The following DPP10 variants were observed in gnomAD, a reference collection of about 807,000 sequenced individuals.
DPP10 encodes inactive dipeptidyl peptidase 10.
A neutral mutation model predicts 120.9 loss-of-function variants in DPP10; 33 were observed. The ratio of observed to expected loss-of-function variants is 0.27; its 90% CI spans 0.21 to 0.37. The LOEUF (loss-of-function observed/expected upper bound fraction) is 0.37, where lower values mean the gene tolerates loss of function less well. Among genes scored for constraint, DPP10 ranks in the 10% least tolerant of loss-of-function variants. The probability of loss-of-function intolerance (pLI) is 1.00; values close to 1 mark genes in which losing one functional copy is unlikely to be tolerated. For missense variants in DPP10, 816 were observed against 942.8 expected (o/e 0.87, Z 1.76); for synonymous variants, 337 against 326.1 (o/e 1.03, Z -0.36).
intron 1 of DPP10, among the ~76,000 whole-genome samples, chr2:114,811,959 T>C (rs1336958529): frequency 6.6e-6 from 1 of 152,180 alleles, no homozygotes; most frequent in African/African-American, 2.4e-5. Context: ...TGCTCTGTAT[T>C]TCCATCCCCA....
intron 5 of DPP10, among the ~76,000 whole-genome samples, chr2:115,555,362 T>G (rs530437726): frequency 2.5e-4 from 38 of 152,134 alleles, no homozygotes; most frequent in African/African-American, 9.1e-4. Context: ...AGAAAAGAAG[T>G]GAAAAACCTA....
chr2:114,569,500 G>A (rs556292132), intron 1 of DPP10, among the ~76,000 whole-genome samples: 1 of 152,290 alleles, frequency 6.6e-6, no homozygotes, highest in South Asian at 2.1e-4. Context: ...CTATTTTTAA[G>A]ACAACAGCAA....
intron 1 of DPP10, among the ~76,000 whole-genome samples, chr2:115,004,953 G>T: frequency 6.6e-6 from 1 of 152,092 alleles, no homozygotes; most frequent in Non-Finnish European, 1.5e-5. Context: ...AACCTCTGCA[G>T]ACTTAAATGT....
At chr2:114,932,063 A>G (rs755623970) in intron 1 of DPP10, among the ~76,000 whole-genome samples, 2 of 152,194 alleles carry the variant, frequency 1.3e-5, no homozygotes, top group Non-Finnish European at 2.9e-5. Flanking sequence ...GGCAAATTCT[A>G]TTAAACAATT....
chr2:115,093,756 A>G (rs1179999983), intron 1 of DPP10, among the ~76,000 whole-genome samples: 2 of 152,118 alleles, frequency 1.3e-5, no homozygotes, highest in African/African-American at 4.8e-5. Flanking sequence ...TAAGAAAATA[A>G]AATTTTAGGA....
chr2:115,439,741 CAT>C (rs1310587941), intron 3 of DPP10, among the ~76,000 whole-genome samples: 1 of 152,090 alleles, frequency 6.6e-6, no homozygotes, highest in Non-Finnish European at 1.5e-5. Flanking sequence ...AATTACCACA[CAT>C]GTATTTATTC....
intron 5 of DPP10, among the ~76,000 whole-genome samples, chr2:115,628,816 T>G (rs2149308610): frequency 6.6e-6 from 1 of 152,158 alleles, no homozygotes; most frequent in East Asian, 1.9e-4. Flanking sequence ...TCAAGTTTTT[T>G]TTTATTATTA....
At chr2:115,590,636 ATG>A (rs2082599071) in intron 5 of DPP10, among the ~76,000 whole-genome samples, 1 of 152,216 alleles carries the variant, frequency 6.6e-6, no homozygotes, top group South Asian at 2.1e-4. Flanking sequence ...ATACGTGTGA[ATG>A]TGTCTTTATA....
intron 1 of DPP10, among the ~76,000 whole-genome samples, chr2:114,494,111 A>AAAAAAAAAC (rs1682263594): frequency 6.8e-6 from 1 of 146,172 alleles, no homozygotes; most frequent in African/African-American, 2.5e-5. Context: ...CAAAAAAAAA[A>AAAAAAAAAC]AAAAAAAAAA....
intron 1 of DPP10, among the ~76,000 whole-genome samples, chr2:114,706,948 T>C (rs946078902): frequency 2.0e-5 from 3 of 152,030 alleles, no homozygotes; most frequent in Non-Finnish European, 4.4e-5. Context: ...AAATAAATAA[T>C]TTTTCTAATA....
At chr2:115,470,065 C>CT (rs1380225174) in intron 3 of DPP10, among the ~76,000 whole-genome samples, 4 of 151,948 alleles carry the variant, frequency 2.6e-5, no homozygotes, top group Admixed American at 2.6e-4. Context: ...CCTAAAATGG[C>CT]TTTTTTAATT....
chr2:115,770,044 T>C (rs1256056260), intron 13 of DPP10, among the ~76,000 whole-genome samples: 2 of 152,118 alleles, frequency 1.3e-5, no homozygotes, highest in Admixed American at 1.3e-4. Flanking sequence ...CGTCTTTGTG[T>C]ATGTAATTCC....
chr2:114,847,221 A>G (rs1688611966), intron 1 of DPP10, among the ~76,000 whole-genome samples: 1 of 152,104 alleles, frequency 6.6e-6, no homozygotes, highest in Admixed American at 6.6e-5. Context: ...TGCTCCTGGC[A>G]CACCAATTTC....
At chr2:115,470,314 TAG>T (rs1255423822) in intron 3 of DPP10, among the ~76,000 whole-genome samples, 1 of 152,172 alleles carries the variant, frequency 6.6e-6, no homozygotes, top group Non-Finnish European at 1.5e-5. Context: ...ACAAAAATTT[TAG>T]AGGACAACCC....
In DPP10 at chr2:114,797,890, C is replaced by T. The variant is rs531594827; in HGVS notation, c.60+355052C>T. On this transcript the variant is annotated intron_variant, in intron 1 of 25. Coordinates refer to ENST00000410059, the MANE Select transcript of DPP10 (RefSeq NM_020868.6). ...AAAGGGGGAGAAAGGGTATTTTTAT[C>T]GTGGAGAAACTAGGTAAATACTACC... Among the ~76,000 whole-genome samples the T allele has an allele frequency of 1.5e-4, 23 of 152,240 alleles. No homozygotes were observed. In the South Asian group the frequency reaches 3.7e-3, roughly 25 times the overall value.
At chr2:114,577,646 C>G (rs1053075832) in intron 1 of DPP10, among the ~76,000 whole-genome samples, 3 of 152,078 alleles carry the variant, frequency 2.0e-5, no homozygotes, top group Non-Finnish European at 4.4e-5. Flanking sequence ...TTGCTGTAAA[C>G]CACACTCTGG....
intron 1 of DPP10, among the ~76,000 whole-genome samples, chr2:114,637,583 T>C (rs1325797840): frequency 3.9e-5 from 6 of 151,938 alleles, no homozygotes; most frequent in Non-Finnish European, 7.3e-5. Flanking sequence ...GAAGGGTATT[T>C]TCTAGGTTTT....
At chr2:115,800,116 T>A (rs1441862046) in intron 19 of DPP10, among the ~76,000 whole-genome samples, 8 of 151,270 alleles carry the variant, frequency 5.3e-5, no homozygotes, top group African/African-American at 1.7e-4. Context: ...GACTTTTTAA[T>A]GATCGCCATT....
intron 1 of DPP10, among the ~76,000 whole-genome samples, chr2:115,025,071 A>G (rs1309669524): frequency 6.8e-6 from 1 of 147,550 alleles, no homozygotes; most frequent in African/African-American, 2.5e-5. Flanking sequence ...AATGTTAACT[A>G]TAGTCACCTT....
Sources: gnomAD v4.1 joint callset for allele counts (sites outside exome capture counted in the v4.1 genomes callset) on GRCh38, gnomAD v4.1.1 for gene constraint, MANE v1.5 for transcripts, NCBI Gene and HGNC (gene_info 2026-07-23, HGNC 2026-07-21) for gene names.